The following PEPD variants were observed in gnomAD, a reference collection of about 807,000 sequenced individuals.
PEPD encodes xaa-Pro dipeptidase.
Under a neutral mutation model 60.7 loss-of-function variants are expected in PEPD, and 53 were observed. The observed-to-expected ratio is 0.87, with a 90% confidence interval of 0.70 to 1.10. The LOEUF is 1.10. PEPD is among the 50% of genes least tolerant of loss of function. The probability of loss-of-function intolerance (pLI) is 0.00; values close to 1 mark genes in which losing one functional copy is unlikely to be tolerated. For synonymous variants in PEPD, 267 were observed against 284.1 expected (o/e 0.94, Z 0.60); for missense variants, 711 against 711.9 (o/e 1.00, Z 0.01).
chr19:33,404,313 A>G (rs1968567125), intron 11 of PEPD, among the ~76,000 whole-genome samples: 3 of 152,330 alleles, frequency 2.0e-5, no homozygotes, highest in Middle Eastern at 3.4e-3. Flanking sequence ...GCCTGGGCAG[A>G]GAGGACAGGG....
chr19:33,521,720 G>C, intron 1 of PEPD, 24 bp downstream of exon 1: 1 of 1,578,902 alleles, frequency 6.3e-7, no homozygotes, highest in South Asian at 1.2e-5. Context: ...CAGCGGGAAA[G>C]AGCGAGGGAG....
At chr19:33,460,618 C>A (rs1221964856) in intron 9 of PEPD, among the ~76,000 whole-genome samples, 1 of 152,178 alleles carries the variant, frequency 6.6e-6, no homozygotes, top group Non-Finnish European at 1.5e-5. Flanking sequence ...CTCTCAGGGG[C>A]CCACAGATCA....
chr19:33,391,263 C>G, intron 13 of PEPD, 32 bp downstream of exon 13: 1 of 1,569,358 alleles, frequency 6.4e-7, no homozygotes, highest in Non-Finnish European at 8.7e-7. Flanking sequence ...AGCTGATGGG[C>G]AGGCCACTCC....
At chr19:33,501,203 C>G (rs1049023372) in intron 3 of PEPD, among the ~76,000 whole-genome samples, 1 of 152,180 alleles carries the variant, frequency 6.6e-6, no homozygotes, top group Admixed American at 6.5e-5. Context: ...GGAGTGACGG[C>G]TGAACCACAG....
chr19:33,416,056 C>T (rs1968883706), intron 9 of PEPD, among the ~76,000 whole-genome samples: 1 of 152,196 alleles, frequency 6.6e-6, no homozygotes, highest in African/African-American at 2.4e-5. Context: ...GCACAGGGGG[C>T]CTGTGGAAGC....
In PEPD at chr19:33,427,763, A is replaced by T. The variant is rs553264776; in HGVS notation, c.672-14120T>A. Among the ~76,000 whole-genome samples the T allele has an allele frequency of 1.4e-3, 210 of 152,322 alleles. 5 individuals are homozygous for T. In the South Asian group the frequency reaches 0.042, roughly 30 times the overall value. On this transcript the variant is annotated intron_variant, in intron 9 of 14. Coordinates refer to ENST00000244137, the MANE Select transcript of PEPD (RefSeq NM_000285.4). ...CTTGTTTTTAAATATACATTATACG[A>T]AGCCAATAATTAGAAGAATTTGTGC...
chr19:33,471,143 C>T (rs1043024955), intron 7 of PEPD, among the ~76,000 whole-genome samples: 1 of 152,164 alleles, frequency 6.6e-6, no homozygotes, highest in Non-Finnish European at 1.5e-5. Context: ...TCAAACTGAA[C>T]CAGGGCAAAT....
chr19:33,401,727 T>C lies in PEPD; in HGVS notation c.961A>G (p.Lys321Glu), dbSNP rs759869782. The C allele has an allele frequency of 1.9e-6, 3 of 1,607,548 alleles. No homozygotes were observed. In the East Asian group the frequency reaches 6.7e-5, roughly 36 times the overall value. ...RSSRAVMGAM[K>E]PGVWWPDMHR... ...CCACCGACCCGCTGCTCACCTGGCTTCATGGCACCCATGACGGCACGGGAG... is the reference window on the plus strand; with the variant it reads ...CCACCGACCCGCTGCTCACCTGGCTCCATGGCACCCATGACGGCACGGGAG... Residue 321 changes from lysine (K) to glutamate (E), a missense_variant, in exon 12 of 15, where the codon AAG becomes GAG. Physicochemically the swap from Lys to Glu is moderately conservative, Grantham distance 56. Transcript: ENST00000244137.
intron 9 of PEPD, among the ~76,000 whole-genome samples, chr19:33,451,542 A>C (rs1178211632): frequency 2.0e-5 from 3 of 152,214 alleles, no homozygotes; most frequent in South Asian, 4.1e-4. Flanking sequence ...AAAAAACAGA[A>C]ACCAGAAAAC....
At chr19:33,520,422 C>G (rs535959007) in intron 1 of PEPD, among the ~76,000 whole-genome samples, 1 of 152,234 alleles carries the variant, frequency 6.6e-6, no homozygotes, top group Non-Finnish European at 1.5e-5. Flanking sequence ...ACAAAAGTCA[C>G]CCAGGAAGTG....
chr19:33,422,044 C>G (rs1969031011), intron 9 of PEPD, among the ~76,000 whole-genome samples: 1 of 152,098 alleles, frequency 6.6e-6, no homozygotes, highest in African/African-American at 2.4e-5. Context: ...CTCACACCAA[C>G]CCCGGCTTCC....
chr19:33,509,932 C>G (rs1031053174), intron 3 of PEPD, among the ~76,000 whole-genome samples: 14 of 152,156 alleles, frequency 9.2e-5, no homozygotes, highest in Admixed American at 2.0e-4. Context: ...ACAGGTGAGC[C>G]GGGAGGGCAG....
At chr19:33,479,765 G>C (rs1174817221) in intron 6 of PEPD, among the ~76,000 whole-genome samples, 1 of 152,078 alleles carries the variant, frequency 6.6e-6, no homozygotes, top group Non-Finnish European at 1.5e-5. Context: ...TCTTTTTTAT[G>C]GTTGCATAGT....
intron 9 of PEPD, among the ~76,000 whole-genome samples, chr19:33,435,622 C>T (rs1219855679): frequency 2.0e-5 from 3 of 152,208 alleles, no homozygotes; most frequent in Admixed American, 1.3e-4. Flanking sequence ...CCTCTCTGGC[C>T]TCAGGTGCTG....
chr19:33,408,124 G>T (rs1431581113), intron 11 of PEPD, among the ~76,000 whole-genome samples: 3 of 152,244 alleles, frequency 2.0e-5, no homozygotes, highest in Non-Finnish European at 4.4e-5. Context: ...CAGTAGGAGG[G>T]GGGCCTAGCC....
intron 9 of PEPD, among the ~76,000 whole-genome samples, chr19:33,441,808 T>C (rs1220922083): frequency 6.6e-6 from 1 of 152,252 alleles, no homozygotes; most frequent in Non-Finnish European, 1.5e-5. Flanking sequence ...TCTGGTAACA[T>C]GTCATTTGTC....
chr19:33,521,607 G>T, intron 1 of PEPD, 137 bp downstream of exon 1: 1 of 951,984 alleles, frequency 1.1e-6, no homozygotes, highest in Non-Finnish European at 1.6e-6. Context: ...CCGGCGCTGG[G>T]ACTCCGGGCC....
At chr19:33,485,175 C>T (rs781212199) in intron 6 of PEPD, among the ~76,000 whole-genome samples, 7 of 152,114 alleles carry the variant, frequency 4.6e-5, no homozygotes, top group Non-Finnish European at 1.0e-4. Flanking sequence ...CTCCCCTCAC[C>T]GAGAACTCCA....
At chr19:33,511,310 TC>T (rs1970922598) in intron 2 of PEPD, 155 bp from the exon 3 acceptor site, 1 of 730,432 alleles carries the variant, frequency 1.4e-6, no homozygotes, top group African/African-American at 1.7e-5. Context: ...AGCACTCGAC[TC>T]CCCAGCTCAT....
Sources: gnomAD v4.1 joint callset for allele counts (sites outside exome capture counted in the v4.1 genomes callset) on GRCh38, gnomAD v4.1.1 for gene constraint, MANE v1.5 for transcripts, NCBI Gene and HGNC (gene_info 2026-07-23, HGNC 2026-07-21) for gene names.